The following STIP1 variants were observed in gnomAD, a reference collection of about 807,000 sequenced individuals.
STIP1 encodes the protein stress-induced-phosphoprotein 1.
A neutral mutation model predicts 77.4 loss-of-function variants in STIP1; 16 were observed. That is an observed-to-expected ratio of 0.21 (90% confidence interval 0.14 to 0.31). The LOEUF is 0.31. Ranked by LOEUF, STIP1 falls within the 10% of genes least tolerant of loss-of-function variation. The pLI, the probability that STIP1 is intolerant of heterozygous loss-of-function variation, is 1.00. For missense variants in STIP1, 524 were observed against 684.8 expected (o/e 0.77, Z 2.62); for synonymous variants, 258 against 246.6 (o/e 1.05, Z -0.44).
At chr11:64,191,330 A>C (rs891469924) in intron 1 of STIP1, among the ~76,000 whole-genome samples, 1 of 150,520 alleles carries the variant, frequency 6.6e-6, no homozygotes, top group African/African-American at 2.4e-5. Flanking sequence ...AAATATGGCC[A>C]GGCGCGGTGG....
At chr11:64,190,935 C>A (rs538709568) in intron 1 of STIP1, among the ~76,000 whole-genome samples, 1 of 152,294 alleles carries the variant, frequency 6.6e-6, no homozygotes, top group African/African-American at 2.4e-5. Flanking sequence ...TACCAGTAAT[C>A]CCAGCACTTT....
intron 4 of STIP1, among the ~76,000 whole-genome samples, chr11:64,194,862 C>T (rs1946131107): frequency 6.6e-6 from 1 of 152,130 alleles, no homozygotes; most frequent in Non-Finnish European, 1.5e-5. Context: ...TCTTCTAGAA[C>T]TCTGATCTAG....
intron 1 of STIP1, among the ~76,000 whole-genome samples, chr11:64,190,642 G>A (rs1215673452): frequency 6.6e-6 from 1 of 152,144 alleles, no homozygotes; most frequent in Non-Finnish European, 1.5e-5. Flanking sequence ...AATTTACTGG[G>A]TCGTGGGTGG....
intron 1 of STIP1, chr11:64,186,537 G>A (rs1156975609): frequency 1.0e-5 from 3 of 295,222 alleles, no homozygotes; most frequent in African/African-American, 2.2e-5. Flanking sequence ...TCCGGCCGGC[G>A]GCGGGAAGAG....
intron 1 of STIP1, among the ~76,000 whole-genome samples, chr11:64,188,000 C>T (rs1171281949): frequency 1.4e-5 from 2 of 147,748 alleles, no homozygotes; most frequent in Non-Finnish European, 3.0e-5. Context: ...GAGACTCCGT[C>T]TCCCTCCAGC....
At position 64,200,625 on chromosome 11, in the gene STIP1, G is replaced by A. The variant is rs1047824337; in HGVS notation, c.1245+332G>A. On this transcript the variant is annotated intron_variant, in intron 10 of 13. Transcript: ENST00000305218. ...TGTGTGTGTGTGTGTGTGTGTGTGT[G>A]TGTAAAATATGGGACCTGTATCTAT... is the stretch of plus-strand genomic sequence containing the variant. 2.9e-4 allele frequency among the ~76,000 whole-genome samples: 42 copies of A among 143,762 alleles called. No individual in the cohort carries two copies. In the South Asian group the frequency reaches 7.8e-3, roughly 27 times the overall value. 94.3% of individuals were successfully genotyped at this position (143,762 alleles called of 152,430 possible). A position where few individuals can be genotyped will look rare whatever the true frequency, so the allele number is the denominator to read the frequency against.
intron 7 of STIP1, 83 bp from the exon 8 acceptor site, chr11:64,197,771 T>C: frequency 1.1e-5 from 18 of 1,579,178 alleles, no homozygotes; most frequent in Non-Finnish European, 1.5e-5. Context: ...GATGCGGGCC[T>C]TTCTAGCTGC....
At position 64,195,870 on chromosome 11, in the gene STIP1, T is replaced by C. The variant is rs747688775; in HGVS notation, c.672+57T>C. On this transcript the variant is annotated intron_variant, in intron 5 of 13. Coordinates refer to ENST00000305218, the MANE Select transcript of STIP1 (RefSeq NM_006819.3). The stretch of plus-strand genomic sequence containing the variant: ...ATCTATAAACAACTAGAAATCTTTA[T>C]GTTGAATGGGGACATCTGTTGACCT... The C allele has an allele frequency of 1.9e-5, 30 of 1,606,836 alleles. No homozygotes were observed. The South Asian group carries it at 2.2e-4, about 12-fold the overall frequency.
At chr11:64,195,917 GT>G in intron 5 of STIP1, 104 bp downstream of exon 5, 2 of 1,516,856 alleles carry the variant, frequency 1.3e-6, no homozygotes, top group Non-Finnish European at 1.8e-6. Context: ...GATTATTATG[GT>G]TTTTTTAGAG....
intron 5 of STIP1, 42 bp downstream of exon 5, chr11:64,195,855 A>G: frequency 6.2e-7 from 1 of 1,612,382 alleles, no homozygotes; most frequent in Non-Finnish European, 8.5e-7. Context: ...ATCTATAAAC[A>G]ACTAGAAATC....
upstream of STIP1, chr11:64,185,895 G>A (rs1946006972): frequency 6.5e-7 from 1 of 1,536,046 alleles, no homozygotes; most frequent in Non-Finnish European, 8.7e-7. Context: ...CGCGGCCAGC[G>A]CGGCTACGAT....
chr11:64,195,964 A>T (rs905031559), intron 5 of STIP1, 151 bp downstream of exon 5: 67 of 1,088,414 alleles, frequency 6.2e-5, no homozygotes, highest in Non-Finnish European at 8.7e-5. Context: ...TTGGTCTTGA[A>T]CTTCTGGCCT....
At position 64,197,298 on chromosome 11, in the gene STIP1, G is replaced by A. The variant is rs149913210; in HGVS notation, c.700G>A (p.Asp234Asn). The change falls in exon 6 of 14, where the codon GAT (aspartate) becomes AAT (asparagine). Residue 234 changes from aspartate (D) to asparagine (N), a missense_variant. By Grantham distance (23) the Asp-to-Asn change is conservative. Transcript: ENST00000305218. ...QALKEKELGN[D>N]AYKKKDFDTA... is the part of the protein sequence containing the mutation. ...ACTGAAAGAAAAAGAGCTGGGGAAC[G>A]ATGCCTACAAGAAGAAAGACTTTGA... 10 of 1,613,958 alleles carry A rather than the reference G, an allele frequency of 6.2e-6. No individual in the cohort carries two copies. The highest frequency in any genetic ancestry group is 2.7e-5 in the African/African-American group (2 of 74,888).
At chr11:64,186,022 G>A (rs1331560573), upstream of STIP1, 27 of 1,545,304 alleles carry the variant, frequency 1.7e-5, no homozygotes, top group African/African-American at 2.7e-5. Flanking sequence ...GGGAGGCAGG[G>A]TTGAGGGAAT....
At position 64,194,118 on chromosome 11, in the gene STIP1, C is replaced by T. The variant is rs537431293; in HGVS notation, c.220-71C>T. 53 of 1,551,426 alleles carry T rather than the reference C, an allele frequency of 3.4e-5. No homozygotes were observed. In the African/African-American group the frequency reaches 5.4e-4, roughly 16 times the overall value. On this transcript the variant is annotated intron_variant, in intron 2 of 13. Transcript: ENST00000305218. ...TTTCCCCCATAAAAGTAGAATTGTT[C>T]TTTTTTGAGTTCGTCTTCTAGATTT...
At chr11:64,202,766 C>A in intron 10 of STIP1, 110 bp from the exon 11 acceptor site, 1 of 1,212,984 alleles carries the variant, frequency 8.2e-7, no homozygotes, top group Non-Finnish European at 1.2e-6. Context: ...GTTGTCCCCT[C>A]TGTTTGGTGC....
At chr11:64,193,308 GGA>G (rs1198487454) in intron 2 of STIP1, 21 bp downstream of exon 2, 2 of 1,613,198 alleles carry the variant, frequency 1.2e-6, no homozygotes, top group Non-Finnish European at 1.7e-6. Flanking sequence ...GGCAGTGGAG[GGA>G]GAGAGGCCCT....
chr11:64,192,070 T>C (rs897328388), intron 1 of STIP1, among the ~76,000 whole-genome samples: 1 of 152,106 alleles, frequency 6.6e-6, no homozygotes, highest in African/African-American at 2.4e-5. Flanking sequence ...CCCAGCACTT[T>C]GGGAGGCCAA....
intron 8 of STIP1, among the ~76,000 whole-genome samples, chr11:64,199,705 A>C (rs991627543): frequency 6.7e-6 from 1 of 150,328 alleles, no homozygotes; most frequent in East Asian, 2.0e-4. Flanking sequence ...CTGGGACTAC[A>C]GGCTCCCGCC....
Sources: gnomAD v4.1 joint callset for allele counts (sites outside exome capture counted in the v4.1 genomes callset) on GRCh38, gnomAD v4.1.1 for gene constraint, MANE v1.5 for transcripts, NCBI Gene and HGNC (gene_info 2026-07-23, HGNC 2026-07-21) for gene names.